Variants in TBC1D8 observed in about 807,000 individuals in gnomAD.
TBC1D8 encodes TBC1 domain family member 8.
In TBC1D8, 65 loss-of-function variants were observed where a neutral mutation model predicts 118.8. The ratio of observed to expected loss-of-function variants is 0.55; its 90% CI spans 0.45 to 0.67. The LOEUF is 0.67. Among genes scored for constraint, TBC1D8 ranks in the 30% least tolerant of loss-of-function variants. The pLI is 0.00. For missense variants in TBC1D8, 1,376 were observed against 1,471.2 expected, an observed-to-expected ratio of 0.94 and a Z score of 1.06; for synonymous variants, 566 against 595.8, an observed-to-expected ratio of 0.95 and a Z score of 0.73.
intron 1 of TBC1D8, among the ~76,000 whole-genome samples, chr2:101,126,183 G>A (rs941092396): frequency 2.6e-5 from 4 of 152,112 alleles, no homozygotes; most frequent in Non-Finnish European, 5.9e-5. Context: ...AAGAGAGAGA[G>A]GAGATGGTGC....
At chr2:101,112,108 C>A (rs1574054463) in intron 1 of TBC1D8, among the ~76,000 whole-genome samples, 1 of 152,154 alleles carries the variant, frequency 6.6e-6, no homozygotes, top group African/African-American at 2.4e-5. Context: ...CCATAAATAA[C>A]CCCTGGATGG....
In TBC1D8 at chr2:101,007,571, A is replaced by G. The variant is rs1678821181; in HGVS notation, c.*250T>C. On this transcript the variant is annotated 3_prime_UTR_variant, in exon 20 of 20. Coordinates refer to ENST00000409318, the MANE Select transcript of TBC1D8 (RefSeq NM_001330348.2). ...GCATCACAGCAGAAGTGCCCATTTCAGCAAATCCGGTAAAAATTGTAAGTT... is the reference window on the plus strand; with the variant it reads ...GCATCACAGCAGAAGTGCCCATTTCGGCAAATCCGGTAAAAATTGTAAGTT... The G allele has an allele frequency of 2.0e-6, 1 of 494,174 alleles. No homozygotes were observed. The highest frequency in any genetic ancestry group is 3.6e-6 in the Non-Finnish European group (1 of 277,466). 30.6% of individuals were successfully genotyped at this position (494,174 alleles called of 1,614,324 possible).
chr2:101,132,260 A>C (rs1678626401), intron 1 of TBC1D8, among the ~76,000 whole-genome samples: 1 of 152,040 alleles, frequency 6.6e-6, no homozygotes, highest in African/African-American at 2.4e-5. Flanking sequence ...ACACACACAC[A>C]CCTTTTCTAA....
chr2:101,040,163 G>A lies in TBC1D8; in HGVS notation c.1080+15C>T, dbSNP rs755362492. 4 of 1,612,094 alleles carry A rather than the reference G, an allele frequency of 2.5e-6. No individual in the cohort carries two copies. The African/African-American group carries it at 5.3e-5, about 22-fold the overall frequency. ...AAAAGGCTGCTTCGGGAAGCAGACA[G>A]TAGGGCCAGTCTACCTCTCTGAGTG... is the stretch of plus-strand genomic sequence containing the variant. On this transcript the variant is annotated intron_variant, in intron 6 of 19. Transcript: ENST00000409318.
intron 5 of TBC1D8, among the ~76,000 whole-genome samples, chr2:101,049,694 CTCCAGCCTGGGG>C (rs1198440580): frequency 6.6e-6 from 1 of 151,834 alleles, no homozygotes; most frequent in East Asian, 1.9e-4. Flanking sequence ...CACCGTTGTA[CTCCAGCCTGGGG>C]GACAGAGAGA....
chr2:101,056,206 TA>T (rs201849117), intron 3 of TBC1D8, among the ~76,000 whole-genome samples: 3 of 43,898 alleles, frequency 6.8e-5, no homozygotes, highest in East Asian at 3.5e-4. Flanking sequence ...TTATTATTAT[TA>T]TTTTTTTTTT....
At chr2:101,118,523 T>C (rs112095585) in intron 1 of TBC1D8, among the ~76,000 whole-genome samples, 27,229 of 150,584 alleles carry the variant, frequency 0.18, 2,502 homozygotes, top group African/African-American at 0.21. Context: ...GGTGAAACCC[T>C]GTCTCTACTA....
chr2:101,148,445 A>G (rs971468443), intron 1 of TBC1D8, among the ~76,000 whole-genome samples: 1 of 152,220 alleles, frequency 6.6e-6, no homozygotes, highest in African/African-American at 2.4e-5. Flanking sequence ...AAAAAAATAA[A>G]TTGGTATATT....
At chr2:101,068,903 G>A (rs913596080) in intron 2 of TBC1D8, among the ~76,000 whole-genome samples, 2 of 151,862 alleles carry the variant, frequency 1.3e-5, no homozygotes, top group African/African-American at 2.4e-5. Context: ...AGGAGGCTGA[G>A]GCTCAAGAAT....
Position 101,011,503 on chromosome 2 carries a change from C to T in TBC1D8, c.2865G>A (p.Leu955=), listed in dbSNP as rs35711657. ...TENDRDSQSP[L]RNPLLSTSRP... ...TCGATGTTGACAACAGAGGATTCCT[C>T]AACGGCGACTGGCTGTCTCGGTCAT... is the stretch of plus-strand genomic sequence containing the variant. Residue 955 remains leucine (L), a synonymous_variant, in exon 18 of 20, where the codon TTG becomes TTA. Coordinates refer to ENST00000409318, the MANE Select transcript of TBC1D8 (RefSeq NM_001330348.2). The T allele has an allele frequency of 4.3e-6, 7 of 1,613,596 alleles. No homozygotes were observed. The highest frequency in any genetic ancestry group is 1.3e-5 in the African/African-American group (1 of 74,830).
rs369602508 is a variant in TBC1D8 at position 101,046,537 on chromosome 2, G to T, written c.872+3864C>A. 3.9e-5 allele frequency among the ~76,000 whole-genome samples: 6 copies of T among 152,340 alleles called. No individual in the cohort carries two copies. In the East Asian group the frequency reaches 1.2e-3, roughly 29 times the overall value. ...AGGTGGGGCCTGTCAGGCTGCGGGAGCCCCTGGGAGATGTCTTAAGTGGGC... is the reference window on the plus strand; with the variant it reads ...AGGTGGGGCCTGTCAGGCTGCGGGATCCCCTGGGAGATGTCTTAAGTGGGC... On this transcript the variant is annotated intron_variant, in intron 5 of 19. Transcript: ENST00000409318.
At chr2:101,087,027 G>A (rs1046910340) in intron 2 of TBC1D8, among the ~76,000 whole-genome samples, 3 of 151,890 alleles carry the variant, frequency 2.0e-5, no homozygotes, top group South Asian at 2.1e-4. Context: ...CAGGTGATCC[G>A]CCCGCCTCAG....
intron 5 of TBC1D8, among the ~76,000 whole-genome samples, chr2:101,043,786 A>G (rs1395031818): frequency 6.6e-6 from 1 of 152,102 alleles, no homozygotes; most frequent in Non-Finnish European, 1.5e-5. Context: ...CTAAAAATAC[A>G]AAAATTAACT....
chr2:101,009,117 G>C (rs1254364410), intron 19 of TBC1D8, among the ~76,000 whole-genome samples: 1 of 152,122 alleles, frequency 6.6e-6, no homozygotes, highest in Non-Finnish European at 1.5e-5. Flanking sequence ...GGTATGGCCG[G>C]GTGCGGTGGC....
At chr2:101,068,514 G>C (rs942869556) in intron 2 of TBC1D8, 10 of 434,622 alleles carry the variant, frequency 2.3e-5, no homozygotes, top group Non-Finnish European at 4.1e-5. Context: ...CTGGAAGATG[G>C]AACCACAGTG....
chr2:101,029,814 G>T, intron 11 of TBC1D8, 38 bp from the exon 12 acceptor site: 2 of 1,594,344 alleles, frequency 1.3e-6, no homozygotes, highest in South Asian at 2.2e-5. Flanking sequence ...GCTGGGGTAG[G>T]ACTCACTCTC....
intron 2 of TBC1D8, among the ~76,000 whole-genome samples, chr2:101,066,052 C>G (rs968961651): frequency 2.0e-5 from 3 of 152,066 alleles, no homozygotes; most frequent in African/African-American, 7.2e-5. Flanking sequence ...GAGGCCGAGG[C>G]AGGCAGATCA....
intron 17 of TBC1D8, chr2:101,018,166 AC>A (rs1268540039): frequency 4.4e-5 from 19 of 435,322 alleles, no homozygotes; most frequent in Non-Finnish European, 6.2e-5. Context: ...ATATTGCTGT[AC>A]TAATCTATAA....
chr2:101,040,273 A>G lies in TBC1D8; in HGVS notation c.985T>C (p.Cys329Arg). Residue 329 changes from cysteine (C) to arginine (R), a missense_variant, in exon 6 of 20, where the codon TGT (cysteine) becomes CGT (arginine). Cys to Arg is a radical substitution (Grantham distance 180, BLOSUM62 -3). Coordinates refer to ENST00000409318, the MANE Select transcript of TBC1D8 (RefSeq NM_001330348.2). ...DCSLWTPFSR[C>R]HTTGRMFASD... is the part of the protein sequence containing the mutation. ...GCGAACATCCGCCCCGTGGTGTGAC[A>G]GCGACTGAACGGCGTCCAGAGCGAA... is the stretch of plus-strand genomic sequence containing the variant. The G allele has an allele frequency of 6.2e-7, 1 of 1,614,040 alleles. No individual in the cohort carries two copies. Among genetic ancestry groups the G allele is most frequent in the Non-Finnish European group, 8.5e-7 (1 of 1,179,896 alleles).
Sources: gnomAD v4.1 joint callset for allele counts (sites outside exome capture counted in the v4.1 genomes callset) on GRCh38, gnomAD v4.1.1 for gene constraint, MANE v1.5 for transcripts, NCBI Gene and HGNC (gene_info 2026-07-23, HGNC 2026-07-21) for gene names.